Variants in GNAO1 observed in about 807,000 individuals in gnomAD.
GNAO1 encodes the protein G protein subunit alpha o1, also known as guanine nucleotide-binding protein G(o) subunit alpha.
For synonymous variants in GNAO1, 164 were observed against 180.7 expected (o/e 0.91, Z 0.74); for missense variants, 166 against 478.7 (o/e 0.35, Z 6.10).
At chr16:56,265,011 T>G (rs567271982) in intron 2 of GNAO1, among the ~76,000 whole-genome samples, 4 of 152,206 alleles carry the variant, frequency 2.6e-5, no homozygotes, top group Non-Finnish European at 4.4e-5. Context: ...TTATTCATCC[T>G]CACTTTGTAA....
At chr16:56,221,784 A>G (rs2036491597) in intron 2 of GNAO1, among the ~76,000 whole-genome samples, 1 of 152,054 alleles carries the variant, frequency 6.6e-6, no homozygotes, top group Non-Finnish European at 1.5e-5. Flanking sequence ...AAGCATGGGT[A>G]TGATTTTTCT....
intron 2 of GNAO1, among the ~76,000 whole-genome samples, chr16:56,221,500 A>G (rs1357665415): frequency 6.6e-6 from 1 of 152,036 alleles, no homozygotes; most frequent in Non-Finnish European, 1.5e-5. Flanking sequence ...AAATACAAAA[A>G]TTAGCTGGGT....
intron 2 of GNAO1, among the ~76,000 whole-genome samples, chr16:56,216,905 G>A (rs2036441423): frequency 6.6e-6 from 1 of 152,202 alleles, no homozygotes; most frequent in African/African-American, 2.4e-5. Context: ...TGTCAAATGG[G>A]AATAATGATA....
Position 56,357,159 on chromosome 16 carries a change from A to G in GNAO1, c.*1085A>G, listed in dbSNP as rs1038640862. The G allele has an allele frequency of 9.2e-5, 14 of 152,498 alleles. No individual in the cohort carries two copies. Among genetic ancestry groups the G allele is most frequent in the Non-Finnish European group, 1.9e-4 (13 of 68,022 alleles). 9.4% of individuals were successfully genotyped at this position (152,498 alleles called of 1,614,324 possible). A position where few individuals can be genotyped will look rare whatever the true frequency, so the allele number is the denominator to read the frequency against. On this transcript the variant is annotated 3_prime_UTR_variant, in exon 9 of 9. Transcript: ENST00000262493. ...GTCATTTCTACTTTGACTAATACCC[A>G]AACCCTAAACCTCTTCACGGTTTCA...
intron 3 of GNAO1, among the ~76,000 whole-genome samples, chr16:56,314,691 T>C (rs1016203628): frequency 7.2e-5 from 11 of 152,218 alleles, no homozygotes; most frequent in African/African-American, 2.7e-4. Context: ...AGACCACGAT[T>C]GTATCTGCTG....
At chr16:56,301,529 A>G (rs1215987523) in intron 3 of GNAO1, among the ~76,000 whole-genome samples, 1 of 152,184 alleles carries the variant, frequency 6.6e-6, no homozygotes, top group Non-Finnish European at 1.5e-5. Context: ...TTTGCCCTCT[A>G]AGCGCTTACC....
At chr16:56,244,706 A>G (rs1203066475) in intron 2 of GNAO1, among the ~76,000 whole-genome samples, 3 of 151,894 alleles carry the variant, frequency 2.0e-5, no homozygotes, top group African/African-American at 7.3e-5. Flanking sequence ...TTTTTCCACC[A>G]CACCCAGGGT....
intron 6 of GNAO1, among the ~76,000 whole-genome samples, chr16:56,338,578 G>C (rs1240637603): frequency 6.6e-6 from 1 of 152,240 alleles, no homozygotes; most frequent in Non-Finnish European, 1.5e-5. Context: ...GTTTCAAAGA[G>C]AGCAAAGGAG....
At chr16:56,269,310 C>T (rs1176340360) in intron 2 of GNAO1, among the ~76,000 whole-genome samples, 1 of 152,150 alleles carries the variant, frequency 6.6e-6, no homozygotes, top group Admixed American at 6.5e-5. Context: ...TCCTCCTCCT[C>T]CTCCTCCTCC....
intron 2 of GNAO1, among the ~76,000 whole-genome samples, chr16:56,260,305 A>G (rs1170678771): frequency 1.3e-5 from 2 of 152,174 alleles, no homozygotes; most frequent in Non-Finnish European, 2.9e-5. Flanking sequence ...TGAAATCCAG[A>G]TGAGAGTCTG....
At chr16:56,208,456 CGCGCACGT>C (rs1434932653) in intron 2 of GNAO1, among the ~76,000 whole-genome samples, 2 of 146,432 alleles carry the variant, frequency 1.4e-5, no homozygotes, top group African/African-American at 5.3e-5. Flanking sequence ...TGTGCGCGCG[CGCGCACGT>C]GTGTGTGTGT....
intron 6 of GNAO1, among the ~76,000 whole-genome samples, chr16:56,348,365 C>G (rs1380478214): frequency 6.6e-6 from 1 of 152,188 alleles, no homozygotes; most frequent in African/African-American, 2.4e-5. Flanking sequence ...GGGCGCCCTG[C>G]CCCCCTGTCA....
chr16:56,240,940 C>G (rs569845365), intron 2 of GNAO1, among the ~76,000 whole-genome samples: 129 of 152,304 alleles, frequency 8.5e-4, no homozygotes, highest in African/African-American at 2.9e-3. Context: ...AAGGGAATGA[C>G]AGTCAAGGCC....
rs559674838 is a variant in GNAO1, at chr16:56,276,055, G to A, written c.286G>A (p.Gly96Ser). 170 of 1,613,824 alleles carry A rather than the reference G, an allele frequency of 1.1e-4. No individual in the cohort carries two copies. Among genetic ancestry groups the A allele is most frequent in the Non-Finnish European group, 1.4e-4 (162 of 1,179,854 alleles). Reference sequence around the variant, plus strand: ...CATGGACACTTTGGGCATCGAATATGGTGATAAGGAGAGAAAGGTAGGCCC... The same window carrying A: ...CATGGACACTTTGGGCATCGAATATAGTGATAAGGAGAGAAAGGTAGGCCC... The part of the protein sequence containing the change: ...RAMDTLGIEY[G>S]DKERKADAKM... Residue 96 changes from glycine (G) to serine (S), a missense_variant, in exon 3 of 9, where the codon GGT becomes AGT. By Grantham distance (56) the Gly-to-Ser change is moderately conservative (BLOSUM62 0). Transcript: ENST00000262493.
chr16:56,204,082 G>A (rs1235873888), intron 2 of GNAO1, among the ~76,000 whole-genome samples: 1 of 152,170 alleles, frequency 6.6e-6, no homozygotes, highest in African/African-American at 2.4e-5. Flanking sequence ...AGATTTTGGA[G>A]GCAGGAGAGA....
intron 2 of GNAO1, among the ~76,000 whole-genome samples, chr16:56,263,536 G>A (rs898325713): frequency 6.6e-6 from 1 of 152,172 alleles, no homozygotes; most frequent in Non-Finnish European, 1.5e-5. Context: ...GGAAGGGGCC[G>A]TAGTCAGACT....
intron 2 of GNAO1, among the ~76,000 whole-genome samples, chr16:56,221,186 T>G (rs1364157360): frequency 1.3e-5 from 2 of 152,170 alleles, no homozygotes; most frequent in African/African-American, 4.8e-5. Flanking sequence ...AACGTTGGAC[T>G]CCCCAACCTC....
chr16:56,351,688 C>G lies in GNAO1; in HGVS notation c.877+151C>G. On this transcript the variant is annotated intron_variant, in intron 7 of 8. Transcript: ENST00000262493. This position sits in a 1 kb window ranked among gnomAD's most constrained non-coding sequence, Gnocchi z 6.1. ...GGTGGGGCGCAAAAGAAAAACAGTG[C>G]TGTGCCACCAGGTTTGGGCTTCCCA... The G allele has an allele frequency of 1.6e-6, 1 of 639,142 alleles. No homozygotes were observed. Among genetic ancestry groups the G allele is most frequent in the South Asian group, 1.9e-5 (1 of 52,666 alleles). 39.6% of individuals were successfully genotyped at this position (639,142 alleles called of 1,614,324 possible). A position where few individuals can be genotyped will look rare whatever the true frequency, so the allele number is the denominator to read the frequency against.
At chr16:56,212,258 C>T (rs11647381) in intron 2 of GNAO1, among the ~76,000 whole-genome samples, 21,317 of 152,186 alleles carry the variant, frequency 0.14, 2,000 homozygotes, top group African/African-American at 0.26. Context: ...GAATGCCATA[C>T]ATGGTATGTA....
Sources: allele counts gnomAD v4.1 joint callset (sites outside exome capture counted in the v4.1 genomes callset), GRCh38; gene constraint gnomAD v4.1.1; non-coding constraint Gnocchi (gnomAD v3.1); transcripts MANE v1.5; gene names NCBI Gene and HGNC (gene_info 2026-07-23, HGNC 2026-07-21).